Variants in CADM1 observed in about 807,000 individuals in gnomAD.
CADM1 encodes TSLC-1.
CADM1 carries 15 observed loss-of-function variants against 53.1 expected under a neutral mutation model. That is an observed-to-expected ratio of 0.28 (90% CI 0.19 to 0.44). The LOEUF (loss-of-function observed/expected upper bound fraction) is 0.44, where lower values mean the gene tolerates loss of function less well. CADM1 is among the 20% of genes least tolerant of loss of function. The pLI is 1.00. For synonymous variants in CADM1, 281 were observed against 243.0 expected, an observed-to-expected ratio of 1.16 and a Z score of -1.45; for missense variants, 434 against 611.3, an observed-to-expected ratio of 0.71 and a Z score of 3.06.
chr11:115,178,832 C>A, intron 10 of CADM1, 57 bp from the exon 11 acceptor site: 1 of 1,593,092 alleles, frequency 6.3e-7, no homozygotes, highest in Non-Finnish European at 8.6e-7. Flanking sequence ...CACCAGAAGC[C>A]CCGGCGACAC....
At chr11:115,314,495 G>C (rs1011510224) in intron 1 of CADM1, among the ~76,000 whole-genome samples, 5 of 152,172 alleles carry the variant, frequency 3.3e-5, no homozygotes, top group Non-Finnish European at 5.9e-5. Context: ...AACATAAGCA[G>C]AGTAGATAAG....
At chr11:115,274,367 C>A (rs1470374459) in intron 1 of CADM1, among the ~76,000 whole-genome samples, 4 of 152,230 alleles carry the variant, frequency 2.6e-5, no homozygotes, top group Non-Finnish European at 4.4e-5. Context: ...TTTCTGAGTG[C>A]CATTTCACTA....
chr11:115,421,282 G>T (rs1280965616), intron 1 of CADM1, among the ~76,000 whole-genome samples: 1 of 152,192 alleles, frequency 6.6e-6, no homozygotes, highest in Non-Finnish European at 1.5e-5. Context: ...ATCAAAGCAA[G>T]CCAGTGTTTC....
intron 8 of CADM1, among the ~76,000 whole-genome samples, chr11:115,204,261 T>C (rs1402553490): frequency 1.3e-5 from 2 of 152,224 alleles, no homozygotes; most frequent in Non-Finnish European, 2.9e-5. Flanking sequence ...TCCTTTCTTA[T>C]CCACATTTTG....
intron 1 of CADM1, among the ~76,000 whole-genome samples, chr11:115,278,167 A>G (rs1943493620): frequency 1.3e-5 from 2 of 151,464 alleles, no homozygotes; most frequent in Non-Finnish European, 2.9e-5. Flanking sequence ...TTCCATGTGC[A>G]CTGTAATAAA....
intron 1 of CADM1, among the ~76,000 whole-genome samples, chr11:115,447,718 C>A (rs747959626): frequency 6.6e-6 from 1 of 152,100 alleles, no homozygotes; most frequent in South Asian, 2.1e-4. Context: ...TTGCTGGCAC[C>A]CTCCTCAGAC....
At chr11:115,374,569 G>T (rs938963940) in intron 1 of CADM1, among the ~76,000 whole-genome samples, 28 of 152,022 alleles carry the variant, frequency 1.8e-4, no homozygotes, top group African/African-American at 6.5e-4. Flanking sequence ...ATCTTCAAAT[G>T]GTTACTGACA....
intron 8 of CADM1, among the ~76,000 whole-genome samples, chr11:115,198,681 G>C (rs1202906230): frequency 6.6e-5 from 10 of 152,162 alleles, no homozygotes; most frequent in Non-Finnish European, 1.5e-4. Context: ...TGGTTCTGGG[G>C]GTCTTGCCAG....
At chr11:115,428,116 G>A (rs998962913) in intron 1 of CADM1, among the ~76,000 whole-genome samples, 1 of 151,348 alleles carries the variant, frequency 6.6e-6, no homozygotes, top group Non-Finnish European at 1.5e-5. Flanking sequence ...AGATGAACCT[G>A]TTCTACCTCC....
intron 10 of CADM1, among the ~76,000 whole-genome samples, chr11:115,188,520 G>C (rs544177137): frequency 6.6e-6 from 1 of 152,098 alleles, no homozygotes; most frequent in South Asian, 2.1e-4. Flanking sequence ...GGGGGAGGTC[G>C]GGGCAAAGGG....
chr11:115,249,054 T>C (rs1448012228), intron 1 of CADM1, among the ~76,000 whole-genome samples: 1 of 152,200 alleles, frequency 6.6e-6, no homozygotes, highest in African/African-American at 2.4e-5. Flanking sequence ...TTCTTCTCAA[T>C]GGATTTGATT....
At chr11:115,219,185 T>C (rs946692904) in intron 5 of CADM1, among the ~76,000 whole-genome samples, 4 of 152,144 alleles carry the variant, frequency 2.6e-5, no homozygotes, top group Admixed American at 6.6e-5. Flanking sequence ...CCCTTGGCCT[T>C]TTACAAGCTG....
chr11:115,364,558 A>AAG (rs1250700231), intron 1 of CADM1, among the ~76,000 whole-genome samples: 1 of 151,484 alleles, frequency 6.6e-6, no homozygotes, highest in Non-Finnish European at 1.5e-5. Flanking sequence ...ACTAGGAAGA[A>AAG]AAAAAAAAGC....
chr11:115,253,670 C>G (rs1025259044), intron 1 of CADM1, among the ~76,000 whole-genome samples: 1 of 152,130 alleles, frequency 6.6e-6, no homozygotes, highest in African/African-American at 2.4e-5. Context: ...CTTAATCAAA[C>G]CCACCTATTA....
At chr11:115,197,191 G>T (rs1940199040) in intron 9 of CADM1, among the ~76,000 whole-genome samples, 1 of 152,198 alleles carries the variant, frequency 6.6e-6, no homozygotes, top group Non-Finnish European at 1.5e-5. Flanking sequence ...ATCAAGGCCT[G>T]ACCTTCAAGG....
At chr11:115,418,681 A>G (rs1947674657) in intron 1 of CADM1, among the ~76,000 whole-genome samples, 1 of 152,186 alleles carries the variant, frequency 6.6e-6, no homozygotes, top group African/African-American at 2.4e-5. Flanking sequence ...CACTACCTGA[A>G]AAATTAAATT....
intron 1 of CADM1, among the ~76,000 whole-genome samples, chr11:115,359,049 T>C (rs1015998649): frequency 6.6e-6 from 1 of 152,194 alleles, no homozygotes; most frequent in Non-Finnish European, 1.5e-5. Flanking sequence ...TCAGGATAGA[T>C]TTGTATACAT....
At chr11:115,346,883 A>G in intron 1 of CADM1, among the ~76,000 whole-genome samples, 1 of 152,148 alleles carries the variant, frequency 6.6e-6, no homozygotes, top group Non-Finnish European at 1.5e-5. Flanking sequence ...ACTTTCTTTG[A>G]CCCAGATCAG....
chr11:115,447,446 TG>T (rs1948475448), intron 1 of CADM1, among the ~76,000 whole-genome samples: 1 of 152,202 alleles, frequency 6.6e-6, no homozygotes, highest in Non-Finnish European at 1.5e-5. Context: ...ATCAGTTTAT[TG>T]CCTCTCAGCT....
Sources: gnomAD v4.1 joint callset for allele counts (sites outside exome capture counted in the v4.1 genomes callset) on GRCh38, gnomAD v4.1.1 for gene constraint, MANE v1.5 for transcripts, NCBI Gene and HGNC (gene_info 2026-07-23, HGNC 2026-07-21) for gene names.